The following AIPL1 variants were observed in gnomAD, a reference collection of about 807,000 sequenced individuals.
AIPL1 encodes aryl-hydrocarbon-interacting protein-like 1.
In AIPL1, 23 loss-of-function variants were observed where a neutral mutation model predicts 32.9. That is an observed-to-expected ratio of 0.70 (90% CI 0.50 to 0.99). AIPL1 has a LOEUF of 0.99. Among genes scored for constraint, AIPL1 ranks in the 50% least tolerant of loss-of-function variants. The probability of loss-of-function intolerance (pLI) is 0.00; values close to 1 mark genes in which losing one functional copy is unlikely to be tolerated. For missense variants in AIPL1, 485 were observed against 506.0 expected, an observed-to-expected ratio of 0.96 and a Z score of 0.40; for synonymous variants, 210 against 209.4, an observed-to-expected ratio of 1.00 and a Z score of -0.02.
intron 3 of AIPL1, among the ~76,000 whole-genome samples, chr17:6,427,781 C>A (rs1173303388): frequency 1.3e-5 from 2 of 151,436 alleles, no homozygotes; most frequent in Non-Finnish European, 2.9e-5. Context: ...GAAAATGAAT[C>A]ACATTTTTAA....
chr17:6,433,091 A>C (rs1284621360), intron 2 of AIPL1, among the ~76,000 whole-genome samples: 1 of 152,134 alleles, frequency 6.6e-6, no homozygotes, highest in Non-Finnish European at 1.5e-5. Flanking sequence ...CTTTCTGCTG[A>C]CTTTTGTATA....
chr17:6,430,564 A>C (rs1222990909), intron 2 of AIPL1, among the ~76,000 whole-genome samples: 1 of 152,066 alleles, frequency 6.6e-6, no homozygotes, highest in African/African-American at 2.4e-5. Flanking sequence ...GGAAACAAAG[A>C]GCCATGCCCA....
At chr17:6,428,028 C>T (rs555443735) in intron 3 of AIPL1, among the ~76,000 whole-genome samples, 1 of 152,290 alleles carries the variant, frequency 6.6e-6, no homozygotes, top group East Asian at 1.9e-4. Flanking sequence ...CCATGTTGGC[C>T]AGGCTGGTCT....
chr17:6,430,452 G>A lies in AIPL1; in HGVS notation c.277-1946C>T, dbSNP rs567103361. 4.7e-4 allele frequency among the ~76,000 whole-genome samples: 29 copies of A among 61,268 alleles called. No homozygotes were observed. In the South Asian group the frequency reaches 7.6e-3, roughly 16 times the overall value. The allele number at this position is 61,268 out of a possible 152,430, so 40.2% of individuals were successfully genotyped here. On this transcript the variant is annotated intron_variant, in intron 2 of 5. Transcript: ENST00000381129. ...GCCTGGGCAACAAGAGCGAAAGTCC[G>A]TCTCAAAAAAAAAAAAAAAAAAAAA... is the stretch of plus-strand genomic sequence containing the variant.
At chr17:6,434,356 CTTTTT>C (rs71381392) in intron 1 of AIPL1, among the ~76,000 whole-genome samples, 10 of 105,012 alleles carry the variant, frequency 9.5e-5, no homozygotes, top group Admixed American at 2.3e-4. Flanking sequence ...AGCCCGAGTT[CTTTTT>C]TTTTTTTTTT....
chr17:6,433,582 C>T (rs1437072550), intron 2 of AIPL1, among the ~76,000 whole-genome samples: 1 of 126,248 alleles, frequency 7.9e-6, no homozygotes, highest in Non-Finnish European at 1.7e-5. Context: ...CAGAGCGAGA[C>T]CCTATCTCTC....
rs1178364021 is a variant in AIPL1 at position 6,434,044 on chromosome 17, C to T, written c.151G>A (p.Asp51Asn). ...ATGGGCTGGCCCACCTGCCGACTGT[C>T]GTCAATGACTGTCCGCTCCTCATCA... is the stretch of plus-strand genomic sequence containing the variant. ...KCDEERTVID[D>N]SRQVGQPMHI... The change falls in exon 2 of 6, where the codon GAC (aspartate) becomes AAC (asparagine). Residue 51 changes from aspartate (D) to asparagine (N), a missense_variant. By Grantham distance (23) the Asp-to-Asn change is conservative (BLOSUM62 1). Transcript: ENST00000381129. 9.3e-6 allele frequency: 15 copies of T among 1,614,020 alleles called. No homozygotes were observed. The highest frequency in any genetic ancestry group is 1.7e-5 in the Admixed American group (1 of 59,998).
rs117749485 is a variant in AIPL1, at chr17:6,428,520, C to T, written c.277-14G>A. 3.9e-3 allele frequency: 6,287 copies of T among 1,612,756 alleles called. 184 individuals carry two copies. In the East Asian group the frequency reaches 0.053, roughly 14 times the overall value. On this transcript the variant is annotated splice_polypyrimidine_tract_variant and intron_variant, in intron 2 of 5. Transcript: ENST00000381129. ...GACCCCCGTGTGCTGTGGGGATAAACGGATGGATGGCATCCAGGCTACCTG... is the reference window on the plus strand; with the variant it reads ...GACCCCCGTGTGCTGTGGGGATAAATGGATGGATGGCATCCAGGCTACCTG...
At position 6,425,382 on chromosome 17, in the gene AIPL1, A is replaced by T; in HGVS notation, c.*78T>A. The stretch of plus-strand genomic sequence containing the variant: ...TTAATTTTAAATTTTAAAAAGTGAC[A>T]CCACGATCCTGGTCAATCGAACCAG... On this transcript the variant is annotated 3_prime_UTR_variant, in exon 6 of 6. Coordinates refer to ENST00000381129, the MANE Select transcript of AIPL1 (RefSeq NM_014336.5). 6.9e-7 allele frequency: 1 copy of T among 1,454,632 alleles called. No individual in the cohort carries two copies. The highest frequency in any genetic ancestry group is 9.1e-7 in the Non-Finnish European group (1 of 1,102,994). The allele number at this position is 1,454,632 out of a possible 1,614,324, so 90.1% of individuals were successfully genotyped here.
chr17:6,430,456 CAAAAAAAAA>C (rs1169701817), intron 2 of AIPL1, among the ~76,000 whole-genome samples: 14 of 44,514 alleles, frequency 3.1e-4, no homozygotes, highest in African/African-American at 1.3e-3. Flanking sequence ...AAGTCCGTCT[CAAAAAAAAA>C]AAAAAAAAAA....
In AIPL1 at chr17:6,426,971, C is replaced by T. The variant is rs1475021040; in HGVS notation, c.552G>A (p.Glu184=). 11 of 1,614,114 alleles carry T rather than the reference C, an allele frequency of 6.8e-6. No homozygotes were observed. Among genetic ancestry groups the T allele is most frequent in the Non-Finnish European group, 9.3e-6 (11 of 1,180,042 alleles). ...GGCCCAGCTTGAAGAGCCGATTTCC[C>T]TCTCCGTGGAGGACGGGCACCGCCT... ...KMKAVPVLHG[E]GNRLFKLGRY... Residue 184 remains glutamate (E), a synonymous_variant, in exon 4 of 6, where the codon GAG becomes GAA. Coordinates refer to ENST00000381129, the MANE Select transcript of AIPL1 (RefSeq NM_014336.5).
rs1352992683 is a variant in AIPL1, at chr17:6,425,318, T to C, written c.*142A>G. 9.1e-7 allele frequency: 1 copy of C among 1,099,446 alleles called. No individual in the cohort carries two copies. Among genetic ancestry groups the C allele is most frequent in the Admixed American group, 2.9e-5 (1 of 34,138 alleles). The allele number at this position is 1,099,446 out of a possible 1,614,324, so 68.1% of individuals were successfully genotyped here. ...GTACCCTTGGGATTGTTTTTTTTTT[T>C]TTTTTTACCATGGGTGTGTCTGACT... On this transcript the variant is annotated 3_prime_UTR_variant, in exon 6 of 6. Coordinates refer to ENST00000381129, the MANE Select transcript of AIPL1 (RefSeq NM_014336.5).
At chr17:6,427,626 G>C (rs886485977) in intron 3 of AIPL1, among the ~76,000 whole-genome samples, 5 of 152,076 alleles carry the variant, frequency 3.3e-5, no homozygotes, top group Non-Finnish European at 5.9e-5. Flanking sequence ...TGGGGCTCTG[G>C]TTGGGAGGAT....
Position 6,435,003 on chromosome 17 carries a change from A to T in AIPL1, c.96+6T>A. The T allele has an allele frequency of 6.2e-7, 1 of 1,614,086 alleles. No homozygotes were observed. The highest frequency in any genetic ancestry group is 8.5e-7 in the Non-Finnish European group (1 of 1,179,998). ...ACCCTGTCTGCTCCGGAGGGGCCCC[A>T]CTCACTCGGGATCCGGTGATGAAGT... On this transcript the variant is annotated splice_donor_region_variant and intron_variant, in intron 1 of 5. Transcript: ENST00000381129.
Position 6,434,078 on chromosome 17 carries a change from G to T in AIPL1, c.117C>A (p.Thr39=), listed in dbSNP as rs139244717. The change falls in exon 2 of 6, where the codon ACC becomes ACA. Residue 39 remains threonine (T), a synonymous_variant. Transcript: ENST00000381129. ...CTGTCCGCTCCTCATCACATTTCAT[G>T]GTGCGGAAATGAAAGATCACCTAGT... The part of the protein sequence containing the change: ...TGSRVIFHFR[T]MKCDEERTVI... 2.5e-5 allele frequency: 41 copies of T among 1,613,862 alleles called. 1 individual carries two copies. The African/African-American group carries it at 5.2e-4, about 20-fold the overall frequency.
intron 2 of AIPL1, among the ~76,000 whole-genome samples, chr17:6,431,471 T>A (rs1326771184): frequency 5.3e-5 from 8 of 149,648 alleles, no homozygotes; most frequent in Admixed American, 1.3e-4. Context: ...AAAAAAAAAA[T>A]TCTAGCTCAA....
Position 6,434,038 on chromosome 17 carries a change from G to A in AIPL1, c.157C>T (p.Arg53Trp), listed in dbSNP as rs62637008. 6.3e-5 allele frequency: 102 copies of A among 1,613,924 alleles called. No individual in the cohort carries two copies. Among genetic ancestry groups the A allele is most frequent in the Non-Finnish European group, 8.1e-5 (96 of 1,180,022 alleles). ...DEERTVIDDSRQVGQPMHIII... is the reference protein window; with the variant it reads ...DEERTVIDDSWQVGQPMHIII... ...ATGTGCATGGGCTGGCCCACCTGCC[G>A]ACTGTCGTCAATGACTGTCCGCTCC... Residue 53 changes from arginine (R) to tryptophan (W), a missense_variant, in exon 2 of 6, where the codon CGG (arginine) becomes TGG (tryptophan). Transcript: ENST00000381129.
chr17:6,433,586 A>ATCTCTCTCTCTCTCTCTCTC (rs149646818), intron 2 of AIPL1, among the ~76,000 whole-genome samples: 13 of 65,568 alleles, frequency 2.0e-4, no homozygotes, highest in East Asian at 1.5e-3. Context: ...GCGAGACCCT[A>ATCTCTCTCTCTCTCTCTCTC]TCTCTCTCTC....
Position 6,426,778 on chromosome 17 carries a change from C to T in AIPL1, c.643-22G>A, listed in dbSNP as rs1305295856. 1.9e-6 allele frequency: 3 copies of T among 1,613,000 alleles called. No homozygotes were observed. In the African/African-American group the frequency reaches 4.0e-5, roughly 22 times the overall value. On this transcript the variant is annotated intron_variant, in intron 4 of 5. Coordinates refer to ENST00000381129, the MANE Select transcript of AIPL1 (RefSeq NM_014336.5). ...TCTCCTGCCCAGGGAGAAGGTCAGCCATGACCTCAGGCAGCTGCCCAACCC... is the reference window on the plus strand; with the variant it reads ...TCTCCTGCCCAGGGAGAAGGTCAGCTATGACCTCAGGCAGCTGCCCAACCC...
Sources: gnomAD v4.1 joint callset for allele counts (sites outside exome capture counted in the v4.1 genomes callset) on GRCh38, gnomAD v4.1.1 for gene constraint, MANE v1.5 for transcripts, NCBI Gene and HGNC (gene_info 2026-07-23, HGNC 2026-07-21) for gene names.